The following PLEKHN1 variants were observed in gnomAD, a reference collection of about 807,000 sequenced individuals.
The protein encoded by PLEKHN1 is pleckstrin homology domain-containing family N member 1.
Under a neutral mutation model 72.8 loss-of-function variants are expected in PLEKHN1, and 68 were observed. That is an observed-to-expected ratio of 0.93 (90% confidence interval 0.77 to 1.14). The LOEUF is 1.14. Ranked by LOEUF, PLEKHN1 falls within the 50% of genes most tolerant of loss-of-function variation. The probability of loss-of-function intolerance (pLI) is 0.00; values close to 1 mark genes in which losing one functional copy is unlikely to be tolerated. For synonymous variants in PLEKHN1, 454 were observed against 371.6 expected (o/e 1.22, Z -2.55); for missense variants, 1,015 against 840.5 (o/e 1.21, Z -2.57).
rs762560075 is a variant in PLEKHN1, at chr1:970,960, C to T, written c.566C>T (p.Thr189Met). ...DRWLYHLEKQ[T>M]ALLGGPRRCH... ...TGGCTTTACCACCTGGAGAAGCAGA[C>T]GGCCCTCCTCGGGGGGCCGCGGCGC... Residue 189 changes from threonine (T) to methionine (M), a missense_variant, in exon 6 of 16, where the codon ACG becomes ATG. Thr to Met is a moderately conservative substitution (Grantham distance 81). Coordinates refer to ENST00000379410, the MANE Select transcript of PLEKHN1 (RefSeq NM_032129.3). The surrounding 1 kb of genome is among the most constrained non-coding windows in gnomAD (Gnocchi z 4.2). 3.4e-5 allele frequency: 54 copies of T among 1,607,416 alleles called. No individual in the cohort carries two copies. Among genetic ancestry groups the T allele is most frequent in the South Asian group, 5.5e-5 (5 of 90,742 alleles).
intron 9 of PLEKHN1, 21 bp downstream of exon 9, chr1:972,171 C>T (rs951401546): frequency 6.2e-7 from 1 of 1,611,526 alleles, no homozygotes; most frequent in Non-Finnish European, 8.5e-7. Context: ...GACCCTGGTT[C>T]TGCCTCCCGC....
chr1:972,324 G>C lies in PLEKHN1; in HGVS notation c.902G>C (p.Ser301Thr). The C allele has an allele frequency of 6.2e-7, 1 of 1,612,632 alleles. No homozygotes were observed. Among genetic ancestry groups the C allele is most frequent in the Non-Finnish European group, 8.5e-7 (1 of 1,179,884 alleles). The change falls in exon 10 of 16, where the codon AGC becomes ACC. Residue 301 changes from serine (S) to threonine (T), a missense_variant. Transcript: ENST00000379410. ...AACACCATCCGCGTGGTGTGCGCCAGCTACGAGGACTACGGTCACTGGCTG... is the reference window on the plus strand; with the variant it reads ...AACACCATCCGCGTGGTGTGCGCCACCTACGAGGACTACGGTCACTGGCTG... ...LINTIRVVCA[S>T]YEDYGHWLLC... is the part of the protein sequence containing the mutation.
intron 2 of PLEKHN1, among the ~76,000 whole-genome samples, chr1:969,552 ATG>A (rs1643182381): frequency 6.6e-6 from 1 of 150,826 alleles, no homozygotes; most frequent in Non-Finnish European, 1.5e-5. Flanking sequence ...GCACGTGTGT[ATG>A]TGTATACATG....
rs147149841 is a variant in PLEKHN1 at position 974,415 on chromosome 1, C to T, written c.1703-27C>T. The T allele has an allele frequency of 1.4e-4, 226 of 1,612,946 alleles. 3 individuals carry two copies. The African/African-American group carries it at 2.4e-3, about 17-fold the overall frequency. On this transcript the variant is annotated intron_variant, in intron 15 of 15. Coordinates refer to ENST00000379410, the MANE Select transcript of PLEKHN1 (RefSeq NM_032129.3). The stretch of plus-strand genomic sequence containing the variant: ...GTGAGTGCCTGTTGCCTCCCACAGG[C>T]TGACACATCTCTGCCTTCCCTACCA...
intron 8 of PLEKHN1, 191 bp downstream of exon 8, chr1:971,595 T>G: frequency 1.6e-6 from 1 of 625,796 alleles, no homozygotes; most frequent in South Asian, 1.9e-5. Flanking sequence ...CGCCCTGAGG[T>G]TCTCACCCTG....
At chr1:972,190 G>T (rs1258755319) in intron 9 of PLEKHN1, 40 bp downstream of exon 9, 1 of 1,608,602 alleles carries the variant, frequency 6.2e-7, no homozygotes, top group Non-Finnish European at 8.5e-7. Flanking sequence ...GCCTGGCCAG[G>T]CCATGGTGGG....
chr1:971,453 G>A, intron 8 of PLEKHN1, 49 bp downstream of exon 8: 2 of 1,489,598 alleles, frequency 1.3e-6, no homozygotes, highest in Non-Finnish European at 9.2e-7. Flanking sequence ...AGCTGTGTGG[G>A]GGTGGGAGGG....
chr1:973,696 G>C, intron 13 of PLEKHN1, 56 bp downstream of exon 13: 1 of 1,597,208 alleles, frequency 6.3e-7, no homozygotes, highest in African/African-American at 1.3e-5. Context: ...CCTGAGGCTG[G>C]GGAGGTCTAG....
At position 969,471 on chromosome 1, in the gene PLEKHN1, T is replaced by C. The variant is rs572499850; in HGVS notation, c.184-806T>C. ...TGTGGAAATGTATGCATGTATGCAG[T>C]GTGCATGTGTGCATGCATGTGTGTG... is the stretch of plus-strand genomic sequence containing the variant. On this transcript the variant is annotated intron_variant, in intron 2 of 15. Transcript: ENST00000379410. Among the ~76,000 whole-genome samples, 38 of 151,900 alleles carry C rather than the reference T, an allele frequency of 2.5e-4. 1 individual carries two copies. The highest frequency in any genetic ancestry group is 8.7e-4 in the African/African-American group (36 of 41,328).
chr1:970,655 C>A lies in PLEKHN1; in HGVS notation c.412-31C>A. 1 of 1,600,354 alleles carries A rather than the reference C, an allele frequency of 6.2e-7. No homozygotes were observed. The highest frequency in any genetic ancestry group is 8.5e-7 in the Non-Finnish European group (1 of 1,172,172). On this transcript the variant is annotated intron_variant, in intron 4 of 15. Coordinates refer to ENST00000379410, the MANE Select transcript of PLEKHN1 (RefSeq NM_032129.3). The surrounding 1 kb of genome is among the most constrained non-coding windows in gnomAD (Gnocchi z 4.2). ...ATGGCCGCCCTTCCCTCCATGGATC[C>A]CTGAAGCTCCTCCTACCCTGTGCCT... is the stretch of plus-strand genomic sequence containing the variant.
At position 975,864 on chromosome 1, in the gene PLEKHN1, T is replaced by C; in HGVS notation, c.*1289T>C. The C allele has an allele frequency of 5.3e-6, 2 of 379,186 alleles. No homozygotes were observed. Among genetic ancestry groups the C allele is most frequent in the East Asian group, 9.5e-5 (2 of 21,018 alleles). The allele number at this position is 379,186 out of a possible 1,614,324, so 23.5% of individuals were successfully genotyped here. A position where few individuals can be genotyped will look rare whatever the true frequency, so the allele number is the denominator to read the frequency against. On this transcript the variant is annotated 3_prime_UTR_variant, in exon 16 of 16. Transcript: ENST00000379410. ...CTTCTTAGTAAAATGACCTCCCCAC[T>C]ATTGCCTGTCTGAAATTAACCGAAT...
Position 974,757 on chromosome 1 carries a change from G to T in PLEKHN1, c.*182G>T. 118 of 597,870 alleles carry T rather than the reference G, an allele frequency of 2.0e-4. No individual in the cohort carries two copies. Among genetic ancestry groups the T allele is most frequent in the Non-Finnish European group, 2.2e-4 (83 of 373,988 alleles). 37.0% of individuals were successfully genotyped at this position (597,870 alleles called of 1,614,324 possible). A position where few individuals can be genotyped will look rare whatever the true frequency, so the allele number is the denominator to read the frequency against. ...CCTTGGTGCCAGCAGCTGGGGCAGG[G>T]AAGGGTGGGAGGGGCCCCATCCAAA... On this transcript the variant is annotated 3_prime_UTR_variant, in exon 16 of 16. Coordinates refer to ENST00000379410, the MANE Select transcript of PLEKHN1 (RefSeq NM_032129.3).
At position 968,450 on chromosome 1, in the gene PLEKHN1, T is replaced by C. The variant is rs1273585909; in HGVS notation, c.183+1647T>C. 2.0e-5 allele frequency among the ~76,000 whole-genome samples: 3 copies of C among 152,206 alleles called. 1 individual carries two copies. The highest frequency in any genetic ancestry group is 4.4e-5 in the Non-Finnish European group (3 of 68,036). On this transcript the variant is annotated intron_variant, in intron 2 of 15. Coordinates refer to ENST00000379410, the MANE Select transcript of PLEKHN1 (RefSeq NM_032129.3). ...TTGTAGAGGACTGTGTGTGCCAGGA[T>C]TGACTACATGTGGCGTGGATGTGGA...
chr1:970,515 G>T lies in PLEKHN1; in HGVS notation c.331-6G>T. 2 of 1,613,096 alleles carry T rather than the reference G, an allele frequency of 1.2e-6. No homozygotes were observed. The highest frequency in any genetic ancestry group is 1.3e-5 in the African/African-American group (1 of 75,018). On this transcript the variant is annotated splice_polypyrimidine_tract_variant and splice_region_variant and intron_variant, in intron 3 of 15. Transcript: ENST00000379410. The surrounding 1 kb of genome is among the most constrained non-coding windows in gnomAD (Gnocchi z 4.2). ...CTCCGCACTGACGACCCTGCTCCCC[G>T]CGCAGGATGTCAGCGACTGCTACCT...
Position 974,890 on chromosome 1 carries a change from A to T in PLEKHN1, c.*315A>T. The T allele has an allele frequency of 2.5e-6, 1 of 398,792 alleles. No homozygotes were observed. Among genetic ancestry groups the T allele is most frequent in the Non-Finnish European group, 4.6e-6 (1 of 217,252 alleles). 24.7% of individuals were successfully genotyped at this position (398,792 alleles called of 1,614,324 possible). On this transcript the variant is annotated 3_prime_UTR_variant, in exon 16 of 16. Coordinates refer to ENST00000379410, the MANE Select transcript of PLEKHN1 (RefSeq NM_032129.3). Reference sequence around the variant, plus strand: ...GGAGTCAGGGAGGAGACTCGCTGGGAGTGGGAGGGCAGCACGGGCGTGAAG... The same window carrying T: ...GGAGTCAGGGAGGAGACTCGCTGGGTGTGGGAGGGCAGCACGGGCGTGAAG...
chr1:973,154 G>A (rs368135287), intron 11 of PLEKHN1, 32 bp from the exon 12 acceptor site: 55 of 1,498,590 alleles, frequency 3.7e-5, no homozygotes, highest in Non-Finnish European at 4.5e-5. Flanking sequence ...GGGGCCAAAG[G>A]GCTCTTCCTG....
At position 973,017 on chromosome 1, in the gene PLEKHN1, G is replaced by A. The variant is rs111768324; in HGVS notation, c.1152+7G>A. On this transcript the variant is annotated splice_region_variant and intron_variant, in intron 11 of 15. Transcript: ENST00000379410. ...CTCCTCCCAGCACACACCGGTGAGC[G>A]CTTACGGGGTGGCAGACGAAAGTGG... 272 of 1,593,398 alleles carry A rather than the reference G, an allele frequency of 1.7e-4. No individual in the cohort carries two copies. The African/African-American group carries it at 2.0e-3, about 12-fold the overall frequency.
Position 970,895 on chromosome 1 carries a change from C to T in PLEKHN1, c.501C>T (p.Pro167=). The T allele has an allele frequency of 1.9e-6, 3 of 1,611,098 alleles. No homozygotes were observed. Among genetic ancestry groups the T allele is most frequent in the Non-Finnish European group, 1.7e-6 (2 of 1,179,832 alleles). ...AFQITGPLPA[P]LLVLCPSRAE... ...TGCCCGCAGGCCCACTGCCCGCACC[C>T]CTCCTGGTGCTCTGCCCCAGCCGGG... Residue 167 remains proline (P), a synonymous_variant, in exon 6 of 16, where the codon CCC becomes CCT. Coordinates refer to ENST00000379410, the MANE Select transcript of PLEKHN1 (RefSeq NM_032129.3). This position sits in a 1 kb window ranked among gnomAD's most constrained non-coding sequence, Gnocchi z 4.2.
At position 966,626 on chromosome 1, in the gene PLEKHN1, G is replaced by C. The variant is rs777909625; in HGVS notation, c.83+12G>C. 1.2e-6 allele frequency: 2 copies of C among 1,605,326 alleles called. No individual in the cohort carries two copies. The highest frequency in any genetic ancestry group is 1.7e-6 in the Non-Finnish European group (2 of 1,175,436). On this transcript the variant is annotated intron_variant, in intron 1 of 15. Coordinates refer to ENST00000379410, the MANE Select transcript of PLEKHN1 (RefSeq NM_032129.3). ...CTGAAGGGAAACAGGTGAGCGGGGC[G>C]TGGGTGCGGCCACCTGGGCGCAGGG...
Sources: gnomAD v4.1 joint callset for allele counts (sites outside exome capture counted in the v4.1 genomes callset) on GRCh38, gnomAD v4.1.1 for gene constraint, Gnocchi (gnomAD v3.1) non-coding constraint, MANE v1.5 for transcripts, NCBI Gene and HGNC (gene_info 2026-07-23, HGNC 2026-07-21) for gene names.